Variants in PUDP observed in about 807,000 individuals in gnomAD.
PUDP encodes the protein pseudouridine 5'-phosphatase.
PUDP carries 8 observed loss-of-function variants against 9.4 expected under a neutral mutation model. The observed-to-expected ratio is 0.85, with a 90% CI of 0.50 to 1.53. The LOEUF (loss-of-function observed/expected upper bound fraction) is 1.53. PUDP is among the 40% of genes most tolerant of loss of function. The probability of loss-of-function intolerance (pLI) is 0.00; values close to 1 mark genes in which losing one functional copy is unlikely to be tolerated. For synonymous variants in PUDP, 99 were observed against 80.7 expected (o/e 1.23, Z -1.22); for missense variants, 188 against 189.7 (o/e 0.99, Z 0.05).
intron 1 of PUDP, among the ~76,000 whole-genome samples, chrX:7,124,280 A>G (rs1293642745): frequency 1.8e-5 from 2 of 112,104 alleles, no homozygotes; most frequent in African/African-American, 6.5e-5. Context: ...ATACTCCTAA[A>G]AATTTGTGGG....
rs745595251 is a variant in PUDP, at chrX:6,827,962, G to T, written c.*248-121496C>A. On this transcript the variant is annotated intron_variant and NMD_transcript_variant, in intron 3 of 3. Transcript: ENST00000655425. ...GTATTTTATACTGTATCGGCATGGGGATCAGGCACCATTTTAAGTCAGGGA... is the reference window on the plus strand; with the variant it reads ...GTATTTTATACTGTATCGGCATGGGTATCAGGCACCATTTTAAGTCAGGGA... Among the ~76,000 whole-genome samples the T allele has an allele frequency of 5.4e-5, 6 of 111,849 alleles. No individual in the cohort carries two copies. In the East Asian group the frequency reaches 1.4e-3, roughly 26 times the overall value.
intron 3 of PUDP, among the ~76,000 whole-genome samples, chrX:6,866,961 T>C (rs1927096438): frequency 9.0e-6 from 1 of 111,142 alleles, no homozygotes; most frequent in African/African-American, 3.3e-5. Context: ...CCCCAGAGGG[T>C]AGGCGTAGGG....
At chrX:6,973,745 A>T (rs1388304615) in intron 3 of PUDP, among the ~76,000 whole-genome samples, 1 of 111,511 alleles carries the variant, frequency 9.0e-6, no homozygotes, top group Non-Finnish European at 1.9e-5. Flanking sequence ...GCTGAGTTCA[A>T]GTCCTGAATA....
chrX:6,726,134 CCTT>C (rs1217983916), upstream of PUDP, among the ~76,000 whole-genome samples: 1 of 111,337 alleles, frequency 9.0e-6, no homozygotes, highest in Non-Finnish European at 1.9e-5. Flanking sequence ...CATCAGTGGC[CCTT>C]CTTCTTGATC....
chrX:6,937,894 A>G (rs1928331970), intron 3 of PUDP, among the ~76,000 whole-genome samples: 1 of 83,997 alleles, frequency 1.2e-5, no homozygotes, highest in East Asian at 3.9e-4. Context: ...GCTCATCATC[A>G]CTGGCCATCA....
rs760091352 is a variant in PUDP, at chrX:7,039,544, GACAC to G, written c.204+37672_204+37675del. Among the ~76,000 whole-genome samples, 17 of 111,607 alleles carry G rather than the reference GACAC, an allele frequency of 1.5e-4. No homozygotes were observed. In the South Asian group the frequency reaches 6.5e-3, roughly 43 times the overall value. On this transcript the variant is annotated intron_variant and NMD_transcript_variant, in intron 1 of 3. Coordinates refer to the PUDP transcript ENST00000655425. ...TACAAGAAGAGGAGATGAGGACACA[GACAC>G]ACACAGAGAGATGACCCTGTGAGGA...
intron 3 of PUDP, among the ~76,000 whole-genome samples, chrX:7,073,014 C>T (rs1483816204): frequency 9.0e-6 from 1 of 110,727 alleles, no homozygotes; most frequent in African/African-American, 3.3e-5. Flanking sequence ...AGTGTGCTCA[C>T]ACTCGCAAGT....
intron 3 of PUDP, among the ~76,000 whole-genome samples, chrX:6,742,038 G>A (rs1038753817): frequency 1.8e-5 from 2 of 110,646 alleles, no homozygotes; most frequent in African/African-American, 6.6e-5. Flanking sequence ...TACTTTTGTA[G>A]AGACAGGGTT....
chrX:7,075,259 C>A (rs1930859189), intron 3 of PUDP, among the ~76,000 whole-genome samples: 1 of 112,110 alleles, frequency 8.9e-6, no homozygotes, highest in African/African-American at 3.2e-5. Context: ...GTAATCCCAG[C>A]ACTTTGGGAG....
At chrX:6,713,395 A>G (rs1924556563) in intron 1 of PUDP, among the ~76,000 whole-genome samples, 1 of 111,714 alleles carries the variant, frequency 9.0e-6, no homozygotes, top group South Asian at 3.7e-4. Context: ...TTGAGTACTC[A>G]TACAATTTTT....
chrX:7,135,053 G>A (rs1397509478), intron 1 of PUDP, among the ~76,000 whole-genome samples: 1 of 111,945 alleles, frequency 8.9e-6, no homozygotes, highest in Non-Finnish European at 1.9e-5. Flanking sequence ...GGGTCCAAGA[G>A]AACATACATG....
At chrX:6,876,688 T>G (rs1042268572) in intron 3 of PUDP, among the ~76,000 whole-genome samples, 10 of 107,841 alleles carry the variant, frequency 9.3e-5, no homozygotes, top group Non-Finnish European at 1.7e-4. Context: ...TACACACATA[T>G]GTACATATAT....
intron 3 of PUDP, among the ~76,000 whole-genome samples, chrX:6,785,726 C>T (rs57294693): frequency 0.24 from 26,441 of 110,361 alleles, 3,285 homozygotes; most frequent in African/African-American, 0.47. Context: ...ATGTCACTCT[C>T]ATATCTTCTC....
At chrX:6,756,771 T>C (rs1174560005) in intron 3 of PUDP, among the ~76,000 whole-genome samples, 1 of 112,186 alleles carries the variant, frequency 8.9e-6, no homozygotes, top group Non-Finnish European at 1.9e-5. Flanking sequence ...TGGAATGAGA[T>C]ATACATAATT....
intron 1 of PUDP, among the ~76,000 whole-genome samples, chrX:6,991,195 C>T (rs1412529624): frequency 8.9e-6 from 1 of 111,796 alleles, no homozygotes; most frequent in African/African-American, 3.3e-5. Context: ...TACCATTACT[C>T]TCCAGCGGAC....
intron 3 of PUDP, among the ~76,000 whole-genome samples, chrX:6,960,477 G>A (rs1928691161): frequency 8.9e-6 from 1 of 111,749 alleles, no homozygotes; most frequent in Admixed American, 9.5e-5. Flanking sequence ...TTTTTGCCAT[G>A]AGATGACACA....
intron 2 of PUDP, among the ~76,000 whole-genome samples, chrX:7,086,620 C>T (rs1190031483): frequency 8.9e-6 from 1 of 112,072 alleles, no homozygotes; most frequent in African/African-American, 3.2e-5. Context: ...CTTTCTCAGA[C>T]ATCATTGATT....
intron 3 of PUDP, among the ~76,000 whole-genome samples, chrX:6,903,692 G>A (rs1927724438): frequency 9.0e-6 from 1 of 111,138 alleles, no homozygotes; most frequent in South Asian, 3.8e-4. Context: ...CTCTAAAATG[G>A]AAAATCAAAT....
chrX:7,062,550 A>T (rs1930433534), intron 3 of PUDP, among the ~76,000 whole-genome samples: 1 of 111,094 alleles, frequency 9.0e-6, no homozygotes, highest in Admixed American at 9.6e-5. Flanking sequence ...CAGTGTGGAG[A>T]GGCTTGTCAG....
Sources: allele counts gnomAD v4.1 joint callset (sites outside exome capture counted in the v4.1 genomes callset), GRCh38; gene constraint gnomAD v4.1.1; transcripts MANE v1.5; gene names NCBI Gene and HGNC (gene_info 2026-07-23, HGNC 2026-07-21).